The following CREB5 variants were observed in gnomAD, a reference collection of about 807,000 sequenced individuals.
CREB5 encodes the protein cAMP responsive element binding protein 5, also known as cyclic AMP-responsive element-binding protein 5.
A neutral mutation model predicts 57.1 loss-of-function variants in CREB5; 19 were observed. The observed-to-expected ratio is 0.33, with a 90% confidence interval of 0.23 to 0.49. The LOEUF (loss-of-function observed/expected upper bound fraction) is 0.49, where lower values mean the gene tolerates loss of function less well. Among genes scored for constraint, CREB5 ranks in the 20% least tolerant of loss-of-function variants. The pLI is 0.99. For missense variants in CREB5, 579 were observed against 671.6 expected, an observed-to-expected ratio of 0.86 and a Z score of 1.52; for synonymous variants, 238 against 238.3, an observed-to-expected ratio of 1.00 and a Z score of 0.01.
At chr7:28,560,831 C>CGTGCGTGCGTGTGCGTGCGTGTGCGT (rs1562797049) in intron 4 of CREB5, among the ~76,000 whole-genome samples, 1 of 58,896 alleles carries the variant, frequency 1.7e-5, no homozygotes, top group Non-Finnish European at 3.5e-5. Context: ...TGCGCGCGCG[C>CGTGCGTGCGTGTGCGTGCGTGTGCGT]GCGTGTGTGT....
intron 7 of CREB5, among the ~76,000 whole-genome samples, chr7:28,780,590 C>G (rs1334451265): frequency 2.6e-5 from 4 of 151,980 alleles, no homozygotes; most frequent in Non-Finnish European, 5.9e-5. Flanking sequence ...GGTGTGGTGG[C>G]GTGCACCTGT....
At chr7:28,761,634 T>G (rs112021492) in intron 7 of CREB5, among the ~76,000 whole-genome samples, 69 of 152,294 alleles carry the variant, frequency 4.5e-4, no homozygotes, top group African/African-American at 1.5e-3. Flanking sequence ...GGGGCTTTTT[T>G]GGCTGGAGCA....
intron 7 of CREB5, among the ~76,000 whole-genome samples, chr7:28,790,428 A>G (rs112594531): frequency 9.5e-5 from 11 of 115,692 alleles, no homozygotes; most frequent in African/African-American, 1.4e-4. Flanking sequence ...GAAAGAAAGA[A>G]AGAGAGAGAG....
chr7:28,556,200 T>G (rs1451958026), intron 4 of CREB5, among the ~76,000 whole-genome samples: 1 of 152,162 alleles, frequency 6.6e-6, no homozygotes, highest in African/African-American at 2.4e-5. Context: ...GGTAATGGCT[T>G]TATGGTACAT....
At chr7:28,693,684 A>G (rs2128732116) in intron 5 of CREB5, among the ~76,000 whole-genome samples, 1 of 152,324 alleles carries the variant, frequency 6.6e-6, no homozygotes, top group South Asian at 2.1e-4. Context: ...TTTGCTAATT[A>G]TGTGATTTTT....
At chr7:28,609,328 T>C (rs1242991281) in intron 5 of CREB5, among the ~76,000 whole-genome samples, 2 of 152,190 alleles carry the variant, frequency 1.3e-5, no homozygotes, top group African/African-American at 2.4e-5. Context: ...CTAAGTTCTT[T>C]GTCTTGTTGA....
chr7:28,663,517 T>A (rs1799693948), intron 5 of CREB5, among the ~76,000 whole-genome samples: 1 of 152,094 alleles, frequency 6.6e-6, no homozygotes, highest in African/African-American at 2.4e-5. Flanking sequence ...GCTGTCCCCT[T>A]TTGAGTGAAG....
At chr7:28,604,803 G>A (rs1797049295) in intron 5 of CREB5, among the ~76,000 whole-genome samples, 1 of 151,924 alleles carries the variant, frequency 6.6e-6, no homozygotes, top group Admixed American at 6.6e-5. Flanking sequence ...AATTGATGTA[G>A]AAAGGTTTTT....
intron 1 of CREB5, among the ~76,000 whole-genome samples, chr7:28,364,683 C>A (rs1195716258): frequency 6.6e-6 from 1 of 152,146 alleles, no homozygotes; most frequent in Non-Finnish European, 1.5e-5. Flanking sequence ...CTGATCTTGA[C>A]CCTCTTGCTC....
intron 4 of CREB5, among the ~76,000 whole-genome samples, chr7:28,552,029 C>G (rs937110543): frequency 6.9e-6 from 1 of 144,510 alleles, no homozygotes; most frequent in African/African-American, 2.6e-5. Flanking sequence ...CTCTCTTTCT[C>G]TCTTTTCTCT....
intron 1 of CREB5, among the ~76,000 whole-genome samples, chr7:28,385,330 G>C (rs1447823082): frequency 6.6e-6 from 1 of 152,122 alleles, no homozygotes; most frequent in Admixed American, 6.6e-5. Context: ...ACACATATGG[G>C]TCTTCTGCAG....
chr7:28,637,075 G>A (rs1227829769), intron 5 of CREB5, among the ~76,000 whole-genome samples: 1 of 152,098 alleles, frequency 6.6e-6, no homozygotes, highest in African/African-American at 2.4e-5. Flanking sequence ...GATCACTTGA[G>A]CCCAGGAGGA....
intron 7 of CREB5, among the ~76,000 whole-genome samples, chr7:28,775,543 C>CTTATATATATATATATATATATATATAT (rs377326533): frequency 8.3e-6 from 1 of 120,632 alleles, no homozygotes; most frequent in African/African-American, 3.3e-5. Context: ...ATTCCTTAGC[C>CTTATATATATATATATATATATATATAT]ATATATATAT....
intron 1 of CREB5, among the ~76,000 whole-genome samples, chr7:28,326,552 A>T (rs1391920306): frequency 6.6e-6 from 1 of 152,194 alleles, no homozygotes; most frequent in Non-Finnish European, 1.5e-5. Flanking sequence ...TTGTTCATCT[A>T]TCAAATATTT....
chr7:28,342,763 CT>C (rs930003124), intron 1 of CREB5, among the ~76,000 whole-genome samples: 1 of 152,132 alleles, frequency 6.6e-6, no homozygotes, highest in Non-Finnish European at 1.5e-5. Context: ...TCAGTTGTCA[CT>C]TTTTAAAAAC....
chr7:28,581,295 A>G (rs1796114244), intron 5 of CREB5, among the ~76,000 whole-genome samples: 1 of 152,190 alleles, frequency 6.6e-6, no homozygotes, highest in Non-Finnish European at 1.5e-5. Context: ...CTGTGCCCGA[A>G]TATTCCTCCA....
chr7:28,416,348 C>G (rs1788023835), intron 1 of CREB5, among the ~76,000 whole-genome samples: 1 of 152,190 alleles, frequency 6.6e-6, no homozygotes. Context: ...ACAACAACAA[C>G]AACAAAATTT....
chr7:28,674,028 T>C (rs992921708), intron 5 of CREB5, among the ~76,000 whole-genome samples: 4 of 152,094 alleles, frequency 2.6e-5, no homozygotes, highest in Non-Finnish European at 2.9e-5. Flanking sequence ...TAGAGCAGTG[T>C]TTTAACTCCC....
intron 1 of CREB5, among the ~76,000 whole-genome samples, chr7:28,463,432 A>G (rs1308544236): frequency 6.6e-6 from 1 of 152,144 alleles, no homozygotes; most frequent in African/African-American, 2.4e-5. Context: ...TTTCATATCG[A>G]TTTTAGGATC....
Sources: allele counts gnomAD v4.1 joint callset (sites outside exome capture counted in the v4.1 genomes callset), GRCh38; gene constraint gnomAD v4.1.1; transcripts MANE v1.5; gene names NCBI Gene and HGNC (gene_info 2026-07-23, HGNC 2026-07-21).